Variants in SNX24 observed in about 807,000 individuals in gnomAD.
The protein encoded by SNX24 is sorting nexin-24.
SNX24 carries 22 observed loss-of-function variants against 28.7 expected under a neutral mutation model. The observed-to-expected ratio is 0.77, with a 90% CI of 0.55 to 1.10. The LOEUF is 1.10. SNX24 is among the 50% of genes least tolerant of loss of function. The pLI is 0.00. For missense variants in SNX24, 221 were observed against 201.1 expected, an observed-to-expected ratio of 1.10 and a Z score of -0.60; for synonymous variants, 69 against 71.5, an observed-to-expected ratio of 0.96 and a Z score of 0.18.
chr5:122,936,902 C>A, intron 2 of SNX24, 85 bp downstream of exon 2: 1 of 707,932 alleles, frequency 1.4e-6, no homozygotes, highest in East Asian at 2.7e-5. Context: ...GGTTCTAAGA[C>A]CATTGATATT....
chr5:122,860,341 A>T (rs572842254), intron 1 of SNX24, among the ~76,000 whole-genome samples: 1 of 152,204 alleles, frequency 6.6e-6, no homozygotes, highest in South Asian at 2.1e-4. Context: ...ATCAGAGTTT[A>T]GTCCTCATAA....
intron 5 of SNX24, among the ~76,000 whole-genome samples, chr5:123,018,280 A>G (rs1418354207): frequency 6.6e-6 from 1 of 152,114 alleles, no homozygotes; most frequent in Non-Finnish European, 1.5e-5. Flanking sequence ...TAGGCTGACC[A>G]GTTCTTCCTC....
At chr5:122,908,245 A>G (rs1226239896) in intron 1 of SNX24, among the ~76,000 whole-genome samples, 1 of 152,238 alleles carries the variant, frequency 6.6e-6, no homozygotes, top group Non-Finnish European at 1.5e-5. Context: ...GCTCTGATCA[A>G]TAAGCAGTTT....
chr5:122,897,505 TA>T (rs779294132), intron 1 of SNX24, among the ~76,000 whole-genome samples: 1 of 152,202 alleles, frequency 6.6e-6, no homozygotes. Context: ...ATTTTGAACT[TA>T]CATATGTCAC....
At chr5:122,985,153 A>G (rs759314767) in intron 3 of SNX24, among the ~76,000 whole-genome samples, 1 of 152,176 alleles carries the variant, frequency 6.6e-6, no homozygotes, top group African/African-American at 2.4e-5. Context: ...ATATCATCTC[A>G]TGTCATGACC....
intron 2 of SNX24, among the ~76,000 whole-genome samples, chr5:122,941,892 G>A (rs927593540): frequency 1.3e-4 from 20 of 152,046 alleles, no homozygotes; most frequent in Non-Finnish European, 2.1e-4. Flanking sequence ...CACCATGACC[G>A]CACCAAAACG....
At chr5:122,986,539 A>G (rs1299284090) in intron 3 of SNX24, among the ~76,000 whole-genome samples, 1 of 152,120 alleles carries the variant, frequency 6.6e-6, no homozygotes, top group Admixed American at 6.6e-5. Flanking sequence ...TCAGAAGCTG[A>G]GTAAAGTGAG....
chr5:123,012,072 C>T (rs1375496193), downstream of SNX24, among the ~76,000 whole-genome samples: 1 of 152,176 alleles, frequency 6.6e-6, no homozygotes, highest in East Asian at 1.9e-4. Flanking sequence ...CCCCCTTTTG[C>T]TTGGCACCTC....
Position 122,845,641 on chromosome 5 carries a change from T to C in SNX24, c.8T>C (p.Val3Ala). 2 of 1,426,418 alleles carry C rather than the reference T, an allele frequency of 1.4e-6. No homozygotes were observed. Among genetic ancestry groups the C allele is most frequent in the Non-Finnish European group, 1.8e-6 (2 of 1,081,396 alleles). The allele number at this position is 1,426,418 out of a possible 1,614,324, so 88.4% of individuals were successfully genotyped here. Residue 3 changes from valine (V) to alanine (A), a missense_variant, in exon 1 of 7, where the codon GTC (valine) becomes GCC (alanine). Coordinates refer to ENST00000261369, the MANE Select transcript of SNX24 (RefSeq NM_014035.4). Reference sequence around the variant, plus strand: ...CGGCTGGCCGGCGCGGCCATGGAGGTCTACATCCCGTCCTTTCGCTATGAA... The same window carrying C: ...CGGCTGGCCGGCGCGGCCATGGAGGCCTACATCCCGTCCTTTCGCTATGAA... ME[V>A]YIPSFRYEES...
chr5:122,985,821 C>G (rs547040236), intron 3 of SNX24, among the ~76,000 whole-genome samples: 11 of 152,316 alleles, frequency 7.2e-5, no homozygotes, highest in Non-Finnish European at 1.2e-4. Flanking sequence ...TTTCTTGGCC[C>G]TGATTCTGCC....
At chr5:122,856,712 C>T (rs1036278630) in intron 1 of SNX24, among the ~76,000 whole-genome samples, 3 of 151,936 alleles carry the variant, frequency 2.0e-5, no homozygotes, top group Non-Finnish European at 2.9e-5. Flanking sequence ...GATGGGGTTT[C>T]ACCATGTTTG....
chr5:122,981,155 T>C (rs76293944), intron 3 of SNX24, among the ~76,000 whole-genome samples: 3 of 152,188 alleles, frequency 2.0e-5, no homozygotes, highest in Middle Eastern at 3.2e-3. Flanking sequence ...TGTGCCAATT[T>C]AGTATGTTTT....
chr5:122,874,854 A>G (rs1756153714), intron 1 of SNX24, among the ~76,000 whole-genome samples: 1 of 152,234 alleles, frequency 6.6e-6, no homozygotes, highest in Admixed American at 6.5e-5. Context: ...AATGGAGATA[A>G]TGGTAACTGC....
intron 1 of SNX24, among the ~76,000 whole-genome samples, chr5:122,884,711 A>G (rs1756633111): frequency 6.6e-6 from 1 of 152,194 alleles, no homozygotes; most frequent in Admixed American, 6.5e-5. Context: ...AAAGGTTCTG[A>G]CAGACGAGCA....
intron 3 of SNX24, among the ~76,000 whole-genome samples, chr5:122,984,948 A>G (rs1348802332): frequency 6.6e-6 from 1 of 152,202 alleles, no homozygotes; most frequent in Non-Finnish European, 1.5e-5. Flanking sequence ...GGTATAGTGA[A>G]CAAGCTGTTT....
At position 123,008,751 on chromosome 5, in the gene SNX24, T is replaced by TA; in HGVS notation, c.*1003dup. On this transcript the variant is annotated 3_prime_UTR_variant, in exon 7 of 7. Transcript: ENST00000261369. ...CCACAGGATTTCATGTTATTTTCCTTACGGCTTCCTTTTCACTGACCTCAT... is the reference window on the plus strand; with the variant it reads ...CCACAGGATTTCATGTTATTTTCCTTAACGGCTTCCTTTTCACTGACCTCAT... 1.9e-6 allele frequency: 1 copy of TA among 520,468 alleles called. No homozygotes were observed. The highest frequency in any genetic ancestry group is 8.4e-5 in the South Asian group (1 of 11,954). 32.2% of individuals were successfully genotyped at this position (520,468 alleles called of 1,614,324 possible).
intron 1 of SNX24, among the ~76,000 whole-genome samples, chr5:122,908,279 G>A (rs1757734518): frequency 6.6e-6 from 1 of 152,196 alleles, no homozygotes; most frequent in South Asian, 2.1e-4. Context: ...ACTGCTGTCA[G>A]ATGTCATTGA....
At chr5:122,898,396 CTT>C (rs1757293937) in intron 1 of SNX24, among the ~76,000 whole-genome samples, 1 of 152,334 alleles carries the variant, frequency 6.6e-6, no homozygotes, top group East Asian at 1.9e-4. Context: ...TCATTTATAA[CTT>C]TTAAAATTAA....
At chr5:122,922,244 G>T (rs1677332) in intron 1 of SNX24, among the ~76,000 whole-genome samples, 1 of 152,030 alleles carries the variant, frequency 6.6e-6, no homozygotes, top group African/African-American at 2.4e-5. Flanking sequence ...TTTTGTTTTT[G>T]TGGGGTTTTT....
Sources: allele counts gnomAD v4.1 joint callset (sites outside exome capture counted in the v4.1 genomes callset), GRCh38; gene constraint gnomAD v4.1.1; transcripts MANE v1.5; gene names NCBI Gene and HGNC (gene_info 2026-07-23, HGNC 2026-07-21).